SLC24A2: variants seen among roughly 807,000 people sequenced by gnomAD.
The protein encoded by SLC24A2 is sodium/potassium/calcium exchanger 2.
Under a neutral mutation model 62.0 loss-of-function variants are expected in SLC24A2, and 36 were observed. The ratio of observed to expected loss-of-function variants is 0.58; its 90% CI spans 0.44 to 0.77. The LOEUF (loss-of-function observed/expected upper bound fraction) is 0.77, where lower values mean the gene tolerates loss of function less well. SLC24A2 is among the 30% of genes least tolerant of loss of function. The probability of loss-of-function intolerance (pLI) is 0.00; values close to 1 mark genes in which losing one functional copy is unlikely to be tolerated. For missense variants in SLC24A2, 846 were observed against 817.9 expected, an observed-to-expected ratio of 1.03 and a Z score of -0.42; for synonymous variants, 358 against 294.0, an observed-to-expected ratio of 1.22 and a Z score of -2.23.
chr9:20,294,578 G>T, the SLC24A2 span, among the ~76,000 whole-genome samples: 1 of 152,294 alleles, frequency 6.6e-6, no homozygotes, highest in African/African-American at 2.4e-5. Context: ...TGTTGAAAAT[G>T]ACAACTCTGT....
the SLC24A2 span, among the ~76,000 whole-genome samples, chr9:20,027,410 C>G: frequency 1.3e-5 from 2 of 152,048 alleles, no homozygotes; most frequent in South Asian, 4.1e-4. Context: ...TAGTGTCAAT[C>G]AACAGATGAG....
In SLC24A2 at chr9:19,569,070, CCTTT is replaced by C. The variant is rs561318395; in HGVS notation, c.1347+4277_1347+4280del. Among the ~76,000 whole-genome samples the C allele has an allele frequency of 4.8e-4, 73 of 152,210 alleles. 1 individual carries two copies. Among genetic ancestry groups the C allele is most frequent in the South Asian group, 3.1e-3 (15 of 4,820 alleles). On this transcript the variant is annotated intron_variant, in intron 7 of 10. Transcript: ENST00000341998. ...AAGAGCTTCTCATTCCTTTTCTTTT[CCTTT>C]CTTTCTGTTTTTTAAGACAGATGGT...
intron 2 of SLC24A2, among the ~76,000 whole-genome samples, chr9:19,729,505 G>A (rs1821272215): frequency 6.6e-6 from 1 of 152,152 alleles, no homozygotes; most frequent in African/African-American, 2.4e-5. Flanking sequence ...AAGAAAATGT[G>A]TTGTACATAC....
chr9:19,645,820 C>T (rs1406967356), intron 2 of SLC24A2, among the ~76,000 whole-genome samples: 1 of 152,198 alleles, frequency 6.6e-6, no homozygotes, highest in South Asian at 2.1e-4. Flanking sequence ...CAAACAATTT[C>T]TAAAGCAGTT....
At chr9:19,799,002 T>G in the SLC24A2 span, among the ~76,000 whole-genome samples, 8 of 152,134 alleles carry the variant, frequency 5.3e-5, no homozygotes, top group African/African-American at 1.9e-4. Flanking sequence ...TCTTGTTGTA[T>G]TTCATTTCAT....
At chr9:20,273,263 T>C in the SLC24A2 span, among the ~76,000 whole-genome samples, 415 of 152,300 alleles carry the variant, frequency 2.7e-3, 4 homozygotes, top group African/African-American at 9.6e-3. Flanking sequence ...ATAAAAGAAT[T>C]TTCTGACCTG....
chr9:20,185,552 C>A, the SLC24A2 span, among the ~76,000 whole-genome samples: 1 of 150,858 alleles, frequency 6.6e-6, no homozygotes, highest in South Asian at 2.1e-4. Flanking sequence ...GTAGTCCCAG[C>A]TATTCGGGAG....
the SLC24A2 span, among the ~76,000 whole-genome samples, chr9:19,833,586 AACTGGGTGGAG>A: frequency 6.6e-6 from 1 of 152,216 alleles, no homozygotes; most frequent in African/African-American, 2.4e-5. Context: ...GGGAAGCTTG[AACTGGGTGGAG>A]CCCACCACAG....
intron 2 of SLC24A2, among the ~76,000 whole-genome samples, chr9:19,775,636 C>G (rs1822823428): frequency 6.8e-6 from 1 of 146,452 alleles, no homozygotes; most frequent in South Asian, 2.3e-4. Context: ...CCTTTTAGAT[C>G]ATGGCTCTGA....
chr9:19,687,832 C>T (rs1819929133), intron 2 of SLC24A2, among the ~76,000 whole-genome samples: 1 of 152,064 alleles, frequency 6.6e-6, no homozygotes, highest in Non-Finnish European at 1.5e-5. Flanking sequence ...CAGTCAGGTG[C>T]TGTGACCCCT....
At chr9:19,606,716 C>G (rs931483442) in intron 4 of SLC24A2, among the ~76,000 whole-genome samples, 4 of 152,200 alleles carry the variant, frequency 2.6e-5, no homozygotes, top group Admixed American at 1.3e-4. Flanking sequence ...AGCAACAATG[C>G]TGATTGACTC....
intron 2 of SLC24A2, among the ~76,000 whole-genome samples, chr9:19,653,862 G>A (rs1047606014): frequency 1.3e-5 from 2 of 152,172 alleles, no homozygotes; most frequent in African/African-American, 4.8e-5. Context: ...TGCAGCCTCA[G>A]AGCCAAGGTG....
Position 19,786,029 on chromosome 9 carries a change from T to A in SLC24A2, c.838A>T (p.Met280Leu). The A allele has an allele frequency of 6.2e-7, 1 of 1,614,114 alleles. No individual in the cohort carries two copies. The highest frequency in any genetic ancestry group is 8.5e-7 in the Non-Finnish European group (1 of 1,179,950). ...TTTTCTACTTGGACGTTGAATTTCA[T>A]GAAAACCACATAGCAAAAATAAGCT... Reference protein sequence around the residue: ...LTAYFCYVVFMKFNVQVEKWV... With the variant: ...LTAYFCYVVFLKFNVQVEKWV... The change falls in exon 2 of 11, where the codon ATG becomes TTG. Residue 280 changes from methionine to leucine, a missense_variant. Coordinates refer to ENST00000341998, the MANE Select transcript of SLC24A2 (RefSeq NM_020344.4). The surrounding 1 kb of genome is among the most constrained non-coding windows in gnomAD (Gnocchi z 5.0).
the SLC24A2 span, among the ~76,000 whole-genome samples, chr9:20,216,391 ATGGT>A: frequency 6.6e-6 from 1 of 152,212 alleles, no homozygotes; most frequent in Admixed American, 6.5e-5. Context: ...AAAGCAGAAA[ATGGT>A]TGGAGGGAGC....
chr9:19,672,758 A>AT (rs1242635741), intron 2 of SLC24A2, among the ~76,000 whole-genome samples: 1 of 146,370 alleles, frequency 6.8e-6, no homozygotes, highest in Non-Finnish European at 1.5e-5. Flanking sequence ...AGTTCAAAGA[A>AT]TTTTTTAATA....
Position 19,629,508 on chromosome 9 carries a change from T to C in SLC24A2, c.931-7209A>G, listed in dbSNP as rs113011642. On this transcript the variant is annotated intron_variant, in intron 2 of 10. Coordinates refer to ENST00000341998, the MANE Select transcript of SLC24A2 (RefSeq NM_020344.4). ...CATCATTACTTAGAATCACTTACTA[T>C]TGTCATGATTTACTATTATTATTTC... Among the ~76,000 whole-genome samples, 627 of 152,328 alleles carry C rather than the reference T, an allele frequency of 4.1e-3. 2 individuals are homozygous for C. Among genetic ancestry groups the C allele is most frequent in the African/African-American group, 0.014 (573 of 41,574 alleles).
At chr9:19,686,909 A>G (rs750613909) in intron 2 of SLC24A2, among the ~76,000 whole-genome samples, 4 of 152,164 alleles carry the variant, frequency 2.6e-5, no homozygotes, top group Non-Finnish European at 5.9e-5. Context: ...TAGGCTGGCT[A>G]AAGAAAATGT....
chr9:19,776,122 A>C (rs1221164495), intron 2 of SLC24A2, among the ~76,000 whole-genome samples: 2 of 152,186 alleles, frequency 1.3e-5, no homozygotes, highest in Non-Finnish European at 2.9e-5. Flanking sequence ...GTTGAGAGTA[A>C]AATATATTTA....
chr9:19,696,523 G>A (rs1191176524), intron 2 of SLC24A2, among the ~76,000 whole-genome samples: 2 of 152,124 alleles, frequency 1.3e-5, no homozygotes, highest in African/African-American at 4.8e-5. Context: ...AAGTAACTGG[G>A]ATGTGTATTC....
Sources: gnomAD v4.1 joint callset for allele counts (sites outside exome capture counted in the v4.1 genomes callset) on GRCh38, gnomAD v4.1.1 for gene constraint, Gnocchi (gnomAD v3.1) non-coding constraint, MANE v1.5 for transcripts, NCBI Gene and HGNC (gene_info 2026-07-23, HGNC 2026-07-21) for gene names.